The following SCML4 variants were observed in gnomAD, a reference collection of about 807,000 sequenced individuals.
SCML4 encodes the protein Scm polycomb group protein like 4.
SCML4 carries 34 observed loss-of-function variants against 41.1 expected under a neutral mutation model. The observed-to-expected ratio is 0.83, with a 90% confidence interval of 0.63 to 1.10. SCML4 has a LOEUF of 1.10. Ranked by LOEUF, SCML4 falls within the 50% of genes least tolerant of loss-of-function variation. The probability of loss-of-function intolerance (pLI) is 0.00; values close to 1 mark genes in which losing one functional copy is unlikely to be tolerated. For missense variants in SCML4, 522 were observed against 534.1 expected (o/e 0.98, Z 0.22); for synonymous variants, 214 against 220.9 (o/e 0.97, Z 0.28).
At chr6:107,791,116 G>C (rs903322970) in intron 1 of SCML4, among the ~76,000 whole-genome samples, 5 of 149,576 alleles carry the variant, frequency 3.3e-5, no homozygotes, top group Admixed American at 3.3e-4. Flanking sequence ...ACTAAAAATA[G>C]AGGCAACAGG....
the SCML4 span, among the ~76,000 whole-genome samples, chr6:107,842,029 C>G: frequency 4.6e-4 from 70 of 152,118 alleles, no homozygotes; most frequent in Non-Finnish European, 9.0e-4. Context: ...TGATTGGAGA[C>G]ATTTCTTCTT....
intron 1 of SCML4, among the ~76,000 whole-genome samples, chr6:107,816,640 C>G (rs1157151150): frequency 6.6e-6 from 1 of 152,222 alleles, no homozygotes; most frequent in African/African-American, 2.4e-5. Context: ...CTGCCTCCTT[C>G]CAAGACGTTA....
intron 5 of SCML4, among the ~76,000 whole-genome samples, chr6:107,725,497 C>T (rs567768837): frequency 2.6e-5 from 4 of 152,206 alleles, no homozygotes; most frequent in African/African-American, 9.6e-5. Flanking sequence ...ACAAGGGTGC[C>T]AAGACCATTC....
the SCML4 span, among the ~76,000 whole-genome samples, chr6:107,841,440 C>T: frequency 1.3e-5 from 2 of 152,166 alleles, no homozygotes; most frequent in East Asian, 1.9e-4. Flanking sequence ...TGTGCCAGCA[C>T]GGGGGAAATA....
chr6:107,773,604 A>G (rs1157989679), intron 1 of SCML4, among the ~76,000 whole-genome samples: 3 of 151,806 alleles, frequency 2.0e-5, no homozygotes, highest in African/African-American at 7.3e-5. Context: ...AAAAAAAAAA[A>G]AAAAAAAAGA....
At chr6:107,748,794 A>G (rs951697637) in intron 3 of SCML4, among the ~76,000 whole-genome samples, 2 of 152,186 alleles carry the variant, frequency 1.3e-5, no homozygotes, top group Admixed American at 1.3e-4. Flanking sequence ...GGGAGGGGCT[A>G]AGAGAGCCCA....
At chr6:107,843,672 G>A in the SCML4 span, among the ~76,000 whole-genome samples, 1 of 152,188 alleles carries the variant, frequency 6.6e-6, no homozygotes, top group Non-Finnish European at 1.5e-5. Context: ...TGCAGAGTTG[G>A]GATTGTAGAA....
At chr6:107,832,903 T>C in the SCML4 span, among the ~76,000 whole-genome samples, 1 of 152,216 alleles carries the variant, frequency 6.6e-6, no homozygotes, top group Non-Finnish European at 1.5e-5. Flanking sequence ...GTTGAATTTC[T>C]TGCAGAAACT....
chr6:107,705,149 A>G lies in SCML4; in HGVS notation c.*51T>C. The G allele has an allele frequency of 6.6e-7, 1 of 1,508,872 alleles. No homozygotes were observed. Among genetic ancestry groups the G allele is most frequent in the Non-Finnish European group, 9.0e-7 (1 of 1,108,070 alleles). The allele number at this position is 1,508,872 out of a possible 1,614,324, so 93.5% of individuals were successfully genotyped here. A position where few individuals can be genotyped will look rare whatever the true frequency, so the allele number is the denominator to read the frequency against. ...TGGCGGGATATTGGTAAGGCAGAAG[A>G]TAATCTTGGGATCTGTTGTTTTGGG... On this transcript the variant is annotated 3_prime_UTR_variant, in exon 8 of 8. Transcript: ENST00000369020.
intron 2 of SCML4, among the ~76,000 whole-genome samples, chr6:107,757,363 G>A (rs1779200230): frequency 6.6e-6 from 1 of 152,164 alleles, no homozygotes; most frequent in Admixed American, 6.5e-5. Flanking sequence ...TCTGGCTTTG[G>A]CAGTAACAGA....
chr6:107,773,811 A>G (rs115076882), intron 1 of SCML4, among the ~76,000 whole-genome samples: 44 of 152,254 alleles, frequency 2.9e-4, no homozygotes, highest in African/African-American at 1.1e-3. Flanking sequence ...GGTACCTTAC[A>G]GTGGAAATGA....
intron 1 of SCML4, among the ~76,000 whole-genome samples, chr6:107,809,391 A>G (rs1002481512): frequency 2.0e-5 from 3 of 152,240 alleles, no homozygotes; most frequent in Admixed American, 1.3e-4. Context: ...GGTGCAACGT[A>G]TGAAGCGGGT....
At chr6:107,751,172 T>G (rs948523753) in intron 2 of SCML4, among the ~76,000 whole-genome samples, 7 of 152,070 alleles carry the variant, frequency 4.6e-5, no homozygotes, top group Non-Finnish European at 1.0e-4. Context: ...AATGGGTAAA[T>G]GATATAGTAG....
intron 1 of SCML4, among the ~76,000 whole-genome samples, chr6:107,803,348 G>T (rs967100230): frequency 6.6e-6 from 1 of 151,634 alleles, no homozygotes; most frequent in African/African-American, 2.4e-5. Context: ...GAGCGTCTCC[G>T]CCCGGCAGCC....
intron 5 of SCML4, among the ~76,000 whole-genome samples, chr6:107,734,064 G>C (rs1776819048): frequency 2.0e-5 from 3 of 152,166 alleles, no homozygotes; most frequent in Non-Finnish European, 4.4e-5. Context: ...GTGGGCATAG[G>C]GTAGAGGTAG....
chr6:107,765,502 G>A (rs1484092802), intron 2 of SCML4, among the ~76,000 whole-genome samples: 1 of 151,938 alleles, frequency 6.6e-6, no homozygotes, highest in Non-Finnish European at 1.5e-5. Flanking sequence ...GAGACTCTGT[G>A]TCAAAAAAAT....
intron 1 of SCML4, among the ~76,000 whole-genome samples, chr6:107,781,615 A>G (rs867703716): frequency 6.6e-6 from 1 of 151,738 alleles, no homozygotes; most frequent in African/African-American, 2.4e-5. Flanking sequence ...TGCTGCTGTA[A>G]GCCGTTATTG....
intron 1 of SCML4, among the ~76,000 whole-genome samples, chr6:107,785,048 G>A (rs150231865): frequency 4.3e-4 from 66 of 152,288 alleles, no homozygotes; most frequent in African/African-American, 1.5e-3. Context: ...TCTGGGCCTC[G>A]GCCCCATACT....
chr6:107,753,516 G>A (rs967275067), intron 2 of SCML4, among the ~76,000 whole-genome samples: 16 of 152,236 alleles, frequency 1.1e-4, no homozygotes, highest in African/African-American at 2.6e-4. Context: ...TTTGAATTTC[G>A]CAAGATGAAA....
Sources: allele counts gnomAD v4.1 joint callset (sites outside exome capture counted in the v4.1 genomes callset), GRCh38; gene constraint gnomAD v4.1.1; transcripts MANE v1.5; gene names NCBI Gene and HGNC (gene_info 2026-07-23, HGNC 2026-07-21).